The following WWC1 variants were observed in gnomAD, a reference collection of about 807,000 sequenced individuals.
WWC1 encodes the protein protein KIBRA.
Under a neutral mutation model 138.4 loss-of-function variants are expected in WWC1, and 55 were observed. The observed-to-expected ratio is 0.40, with a 90% CI of 0.32 to 0.50. WWC1 has a LOEUF of 0.50. WWC1 is among the 20% of genes least tolerant of loss of function. The probability of loss-of-function intolerance (pLI) is 0.72; values close to 1 mark genes in which losing one functional copy is unlikely to be tolerated. For missense variants in WWC1, 1,226 were observed against 1,420.4 expected, an observed-to-expected ratio of 0.86 and a Z score of 2.20; for synonymous variants, 524 against 564.9, an observed-to-expected ratio of 0.93 and a Z score of 1.03.
chr5:168,384,733 T>TTTTG (rs1554101623), intron 2 of WWC1, among the ~76,000 whole-genome samples: 25 of 144,536 alleles, frequency 1.7e-4, no homozygotes, highest in African/African-American at 4.9e-4. Flanking sequence ...TTTTTTTTTT[T>TTTTG]TTCAGACAGA....
chr5:168,352,125 A>T (rs1775013315), intron 1 of WWC1, among the ~76,000 whole-genome samples: 1 of 152,208 alleles, frequency 6.6e-6, no homozygotes, highest in African/African-American at 2.4e-5. Context: ...GCAAGAGCTC[A>T]ATTAACATTA....
chr5:168,368,648 A>G (rs2152805469), intron 1 of WWC1, among the ~76,000 whole-genome samples: 1 of 152,290 alleles, frequency 6.6e-6, no homozygotes, highest in South Asian at 2.1e-4. Context: ...TCCCCATGGA[A>G]GGCATACCTG....
At chr5:168,369,014 G>A (rs1371669792) in intron 1 of WWC1, among the ~76,000 whole-genome samples, 2 of 152,184 alleles carry the variant, frequency 1.3e-5, no homozygotes, top group Admixed American at 6.5e-5. Context: ...TTCCCGTGGG[G>A]CTTAGGAGAT....
At chr5:168,400,871 G>A (rs577829959) in intron 5 of WWC1, among the ~76,000 whole-genome samples, 74 of 145,840 alleles carry the variant, frequency 5.1e-4, no homozygotes, top group African/African-American at 1.7e-3. Context: ...AGGAAAGAAG[G>A]GAGGGAAGAA....
chr5:168,361,994 A>G (rs1469851922), intron 1 of WWC1, among the ~76,000 whole-genome samples: 1 of 152,164 alleles, frequency 6.6e-6, no homozygotes, highest in African/African-American at 2.4e-5. Context: ...GAGGCAGGAG[A>G]ATCGCTTGAA....
chr5:168,350,687 C>T (rs571594309), intron 1 of WWC1, among the ~76,000 whole-genome samples: 17 of 152,326 alleles, frequency 1.1e-4, no homozygotes, highest in Non-Finnish European at 1.8e-4. Context: ...CATGATCATT[C>T]ACTCATTCAT....
intron 1 of WWC1, among the ~76,000 whole-genome samples, chr5:168,298,028 CT>C (rs1236008639): frequency 1.3e-5 from 2 of 151,958 alleles, no homozygotes; most frequent in Non-Finnish European, 2.9e-5. Flanking sequence ...TTCCAACAAG[CT>C]TTGTTTTATT....
At position 168,408,529 on chromosome 5, in the gene WWC1, G is replaced by T; in HGVS notation, c.743G>T (p.Gly248Val). ...LIKSLAMLKD[G>V]FRTDRGSHSD... Reference sequence around the variant, plus strand: ...CAGAGCCTTGCCATGTTGAAGGACGGCTTCCGCACTGACAGGGGGTCTCAC... The same window carrying T: ...CAGAGCCTTGCCATGTTGAAGGACGTCTTCCGCACTGACAGGGGGTCTCAC... Residue 248 changes from glycine to valine, a missense_variant, in exon 7 of 23, where the codon GGC (glycine) becomes GTC (valine). By Grantham distance (109) the Gly-to-Val change is moderately radical. Coordinates refer to ENST00000265293, the MANE Select transcript of WWC1 (RefSeq NM_015238.3). 1 of 1,614,078 alleles carries T rather than the reference G, an allele frequency of 6.2e-7. No homozygotes were observed. Among genetic ancestry groups the T allele is most frequent in the Non-Finnish European group, 8.5e-7 (1 of 1,179,982 alleles).
intron 1 of WWC1, among the ~76,000 whole-genome samples, chr5:168,340,231 A>G (rs1290065239): frequency 6.6e-6 from 1 of 151,988 alleles, no homozygotes; most frequent in East Asian, 1.9e-4. Context: ...ATGCATCATC[A>G]TGCCCGGCTA....
intron 1 of WWC1, among the ~76,000 whole-genome samples, chr5:168,354,495 T>C (rs1364836654): frequency 6.6e-6 from 1 of 152,238 alleles, no homozygotes; most frequent in East Asian, 1.9e-4. Flanking sequence ...TTTTAAAATA[T>C]ATTTTAGCTA....
chr5:168,333,972 G>T (rs1773242112), intron 1 of WWC1, among the ~76,000 whole-genome samples: 1 of 142,260 alleles, frequency 7.0e-6, no homozygotes, highest in Non-Finnish European at 1.5e-5. Flanking sequence ...ACAACACTTT[G>T]TGAAGCCAAG....
At chr5:168,462,021 A>T (rs990068055) in intron 20 of WWC1, among the ~76,000 whole-genome samples, 1 of 151,790 alleles carries the variant, frequency 6.6e-6, no homozygotes, top group East Asian at 1.9e-4. Context: ...GCGCCGTTGC[A>T]CTCCAGCTGG....
intron 1 of WWC1, among the ~76,000 whole-genome samples, chr5:168,338,566 C>T (rs1773708122): frequency 6.6e-6 from 1 of 151,724 alleles, no homozygotes; most frequent in South Asian, 2.1e-4. Flanking sequence ...CATGCACCAC[C>T]ACGCCCGGCT....
chr5:168,312,677 A>C (rs1771221173), intron 1 of WWC1, among the ~76,000 whole-genome samples: 1 of 152,214 alleles, frequency 6.6e-6, no homozygotes, highest in Non-Finnish European at 1.5e-5. Flanking sequence ...AAATCATGAG[A>C]GATGCTGAGT....
At chr5:168,298,790 G>T (rs868136089) in intron 1 of WWC1, among the ~76,000 whole-genome samples, 18 of 152,136 alleles carry the variant, frequency 1.2e-4, no homozygotes, top group African/African-American at 4.1e-4. Flanking sequence ...AATTTAGAAA[G>T]GTTAAGTAAC....
At chr5:168,340,035 C>T (rs1044195850) in intron 1 of WWC1, among the ~76,000 whole-genome samples, 9 of 138,426 alleles carry the variant, frequency 6.5e-5, no homozygotes, top group African/African-American at 1.9e-4. Context: ...TCCTTTCTTT[C>T]CTTTCTTTTC....
At chr5:168,463,844 C>G (rs1450987776) in intron 20 of WWC1, among the ~76,000 whole-genome samples, 1 of 152,126 alleles carries the variant, frequency 6.6e-6, no homozygotes, top group East Asian at 1.9e-4. Context: ...TGGCATTGCT[C>G]CCTCTGTACA....
chr5:168,456,161 G>T (rs1409133374), intron 19 of WWC1, among the ~76,000 whole-genome samples: 2 of 151,934 alleles, frequency 1.3e-5, no homozygotes, highest in African/African-American at 4.8e-5. Flanking sequence ...AAAATTAGCT[G>T]GGCATGGTGG....
Position 168,453,948 on chromosome 5 carries a change from A to G in WWC1, c.2526-20A>G. The G allele has an allele frequency of 6.2e-7, 1 of 1,611,882 alleles. No homozygotes were observed. The highest frequency in any genetic ancestry group is 8.5e-7 in the Non-Finnish European group (1 of 1,179,804). On this transcript the variant is annotated intron_variant, in intron 17 of 22. Transcript: ENST00000265293. ...CAGAGCGGCTTCTGGGTGGGTAACC[A>G]AAGTGCTTTGTCATCACAGGAGGTA...
Sources: allele counts gnomAD v4.1 joint callset (sites outside exome capture counted in the v4.1 genomes callset), GRCh38; gene constraint gnomAD v4.1.1; transcripts MANE v1.5; gene names NCBI Gene and HGNC (gene_info 2026-07-23, HGNC 2026-07-21).